CNTN5: variants seen among roughly 807,000 people sequenced by gnomAD.
The protein encoded by CNTN5 is contactin 5.
A neutral mutation model predicts 129.1 loss-of-function variants in CNTN5; 77 were observed. The observed-to-expected ratio is 0.60, with a 90% CI of 0.50 to 0.72. CNTN5 has a LOEUF of 0.72. Among genes scored for constraint, CNTN5 ranks in the 30% least tolerant of loss-of-function variants. CNTN5 has a pLI of 0.00. For synonymous variants in CNTN5, 509 were observed against 465.6 expected (o/e 1.09, Z -1.20); for missense variants, 1,478 against 1,328.8 (o/e 1.11, Z -1.75).
intron 2 of CNTN5, among the ~76,000 whole-genome samples, chr11:99,383,257 G>T (rs1940712422): frequency 6.6e-6 from 1 of 152,112 alleles, no homozygotes; most frequent in Non-Finnish European, 1.5e-5. Context: ...AGCTCTCAAA[G>T]AAATAGGAAG....
intron 1 of CNTN5, among the ~76,000 whole-genome samples, chr11:99,116,740 G>T (rs1388548002): frequency 6.6e-6 from 1 of 152,142 alleles, no homozygotes; most frequent in Non-Finnish European, 1.5e-5. Context: ...TGGGTAGATG[G>T]CAATGCCATT....
chr11:99,698,707 G>A lies in CNTN5; in HGVS notation c.56-120837G>A, dbSNP rs1954381209. Among the ~76,000 whole-genome samples the A allele has an allele frequency of 3.3e-5, 5 of 151,404 alleles. No homozygotes were observed. The Admixed American group carries it at 3.3e-4, about 10-fold the overall frequency. On this transcript the variant is annotated intron_variant, in intron 3 of 24. Coordinates refer to ENST00000524871, the MANE Select transcript of CNTN5 (RefSeq NM_014361.4). ...ATTTTGTTTTAATTTATACAGAAGT[G>A]TCTTTACAATTAACTAAATACTTGT...
chr11:100,350,796 T>G lies in CNTN5; in HGVS notation c.3125T>G (p.Ile1042Ser). ...VVPLPDAGVY[I>S]IEVRAYSEGG... is the part of the protein sequence containing the mutation. Reference sequence around the variant, plus strand: ...CCACTCCCAGATGCTGGAGTCTATATTATTGAAGTTCGAGCATATAGTGAA... The same window carrying G: ...CCACTCCCAGATGCTGGAGTCTATAGTATTGAAGTTCGAGCATATAGTGAA... The change falls in exon 24 of 25, where the codon ATT (isoleucine) becomes AGT (serine). Residue 1042 changes from isoleucine to serine, a missense_variant. Transcript: ENST00000524871. 6.2e-7 allele frequency: 1 copy of G among 1,608,634 alleles called. No individual in the cohort carries two copies. The highest frequency in any genetic ancestry group is 8.5e-7 in the Non-Finnish European group (1 of 1,176,580).
At chr11:99,987,505 C>A (rs1938763133) in intron 8 of CNTN5, among the ~76,000 whole-genome samples, 1 of 143,538 alleles carries the variant, frequency 7.0e-6, no homozygotes, top group Non-Finnish European at 1.5e-5. Flanking sequence ...ATTATATATA[C>A]TTGCATTATG....
chr11:100,094,882 T>C (rs1944948592), intron 13 of CNTN5, among the ~76,000 whole-genome samples: 2 of 152,146 alleles, frequency 1.3e-5, no homozygotes, highest in African/African-American at 4.8e-5. Context: ...GTAACACATC[T>C]TTTTATGAGA....
intron 21 of CNTN5, chr11:100,308,927 T>A (rs1010798980): frequency 8.7e-5 from 86 of 984,346 alleles, no homozygotes; most frequent in Admixed American, 1.2e-4. Context: ...GATAGTTTTT[T>A]TGGTCCCTTA....
intron 1 of CNTN5, among the ~76,000 whole-genome samples, chr11:99,274,683 G>A (rs1473293249): frequency 6.6e-6 from 1 of 151,214 alleles, no homozygotes; most frequent in African/African-American, 2.4e-5. Flanking sequence ...ATATATGAAT[G>A]CTTCTTATAG....
chr11:100,155,339 G>A (rs1267352868), intron 13 of CNTN5, among the ~76,000 whole-genome samples: 1 of 152,038 alleles, frequency 6.6e-6, no homozygotes, highest in Non-Finnish European at 1.5e-5. Context: ...GTAGATATGT[G>A]GTGTTATTTC....
chr11:99,530,457 C>A (rs552255869), intron 2 of CNTN5, among the ~76,000 whole-genome samples: 1 of 141,678 alleles, frequency 7.1e-6, no homozygotes, highest in South Asian at 2.3e-4. Context: ...ATGTGATACA[C>A]TTTTAGTCTA....
intron 13 of CNTN5, among the ~76,000 whole-genome samples, chr11:100,136,583 TA>T (rs1163935411): frequency 6.6e-6 from 1 of 151,976 alleles, no homozygotes; most frequent in Admixed American, 6.6e-5. Context: ...AAAATCATTA[TA>T]CAAAAAAAAT....
intron 6 of CNTN5, among the ~76,000 whole-genome samples, chr11:99,856,570 G>A (rs566926351): frequency 2.0e-5 from 3 of 152,144 alleles, no homozygotes; most frequent in African/African-American, 7.2e-5. Context: ...GACTTAAGGG[G>A]CAAGTATGGA....
chr11:99,697,462 T>C (rs2134839126), intron 3 of CNTN5, among the ~76,000 whole-genome samples: 1 of 151,860 alleles, frequency 6.6e-6, no homozygotes, highest in African/African-American at 2.4e-5. Flanking sequence ...TTCATAAAAT[T>C]AATTATTAAA....
At chr11:100,046,426 ATTATG>A (rs1427456570) in intron 9 of CNTN5, among the ~76,000 whole-genome samples, 1 of 152,156 alleles carries the variant, frequency 6.6e-6, no homozygotes, top group African/African-American at 2.4e-5. Context: ...ATTTAAGACA[ATTATG>A]TTATGATGCA....
intron 3 of CNTN5, among the ~76,000 whole-genome samples, chr11:99,777,762 C>T (rs911890850): frequency 4.6e-4 from 70 of 151,788 alleles, no homozygotes; most frequent in Non-Finnish European, 4.4e-4. Flanking sequence ...AATTGAGTAA[C>T]AATAATAGTG....
intron 2 of CNTN5, among the ~76,000 whole-genome samples, chr11:99,422,308 C>A (rs983744537): frequency 1.3e-4 from 20 of 151,486 alleles, no homozygotes; most frequent in African/African-American, 4.9e-4. Context: ...GTTTTTTAAG[C>A]ATTTGATTAG....
chr11:99,992,638 A>G (rs1939186667), intron 8 of CNTN5, among the ~76,000 whole-genome samples: 1 of 152,206 alleles, frequency 6.6e-6, no homozygotes, highest in South Asian at 2.1e-4. Context: ...CTGAAATTTT[A>G]ATAAGTTGTC....
chr11:99,430,379 A>G (rs900286743), intron 2 of CNTN5, among the ~76,000 whole-genome samples: 1 of 144,988 alleles, frequency 6.9e-6, no homozygotes, highest in Non-Finnish European at 1.5e-5. Context: ...GTGTGCACGC[A>G]TGTGTGTATA....
intron 13 of CNTN5, among the ~76,000 whole-genome samples, chr11:100,157,849 T>TA (rs1410121555): frequency 1.1e-5 from 1 of 94,892 alleles, no homozygotes; most frequent in Non-Finnish European, 2.5e-5. Context: ...TATAGATAAA[T>TA]AAAAAAAGCA....
intron 1 of CNTN5, among the ~76,000 whole-genome samples, chr11:99,255,468 A>C (rs765367870): frequency 1.3e-4 from 20 of 151,230 alleles, no homozygotes; most frequent in Non-Finnish European, 2.5e-4. Context: ...TAGAATGCCT[A>C]ATAATATTAC....
Sources: allele counts gnomAD v4.1 joint callset (sites outside exome capture counted in the v4.1 genomes callset), GRCh38; gene constraint gnomAD v4.1.1; transcripts MANE v1.5; gene names NCBI Gene and HGNC (gene_info 2026-07-23, HGNC 2026-07-21).